SOX5: variants seen among roughly 807,000 people sequenced by gnomAD.
SOX5 encodes transcription factor SOX-5.
In SOX5, 9 loss-of-function variants were observed where a neutral mutation model predicts 92.0. The observed-to-expected ratio is 0.10, with a 90% CI of 0.06 to 0.17. The LOEUF is 0.17. Among genes scored for constraint, SOX5 ranks in the 10% least tolerant of loss-of-function variants. The probability of loss-of-function intolerance (pLI) is 1.00; values close to 1 mark genes in which losing one functional copy is unlikely to be tolerated. For synonymous variants in SOX5, 344 were observed against 336.3 expected (o/e 1.02, Z -0.25); for missense variants, 642 against 944.5 (o/e 0.68, Z 4.20).
chr12:23,714,256 A>T, intron 6 of SOX5, among the ~76,000 whole-genome samples: 1 of 152,346 alleles, frequency 6.6e-6, no homozygotes, highest in Middle Eastern at 3.4e-3. Context: ...AATGTAAATG[A>T]TATAAAGGCA....
intron 4 of SOX5, among the ~76,000 whole-genome samples, chr12:24,097,966 AATCT>A (rs1945626519): frequency 6.8e-6 from 1 of 146,760 alleles, no homozygotes; most frequent in African/African-American, 2.5e-5. Flanking sequence ...AAGTTCTGAG[AATCT>A]ACACTATTCT....
chr12:24,103,840 G>A (rs1946371249), intron 4 of SOX5, among the ~76,000 whole-genome samples: 1 of 152,148 alleles, frequency 6.6e-6, no homozygotes, highest in Non-Finnish European at 1.5e-5. Flanking sequence ...CGTGAGTTTA[G>A]TGTAGCTCAT....
chr12:23,776,122 G>A (rs2095091280), intron 3 of SOX5, among the ~76,000 whole-genome samples: 1 of 152,172 alleles, frequency 6.6e-6, no homozygotes, highest in South Asian at 2.1e-4. Context: ...TTTATAAGTT[G>A]AAAATTCAAG....
At chr12:23,707,272 G>A (rs2091503784) in intron 6 of SOX5, among the ~76,000 whole-genome samples, 1 of 152,120 alleles carries the variant, frequency 6.6e-6, no homozygotes, top group South Asian at 2.1e-4. Flanking sequence ...GGTTCTTTAG[G>A]TCATCCAATC....
intron 4 of SOX5, among the ~76,000 whole-genome samples, chr12:24,093,423 T>G (rs1338826947): frequency 1.3e-5 from 2 of 151,074 alleles, no homozygotes; most frequent in African/African-American, 4.9e-5. Context: ...CTCGGGAAGC[T>G]GAGGCAGGAG....
intron 2 of SOX5, among the ~76,000 whole-genome samples, chr12:23,875,538 G>C (rs994346461): frequency 6.6e-6 from 1 of 151,994 alleles, no homozygotes; most frequent in Non-Finnish European, 1.5e-5. Flanking sequence ...GAAAGGAGGG[G>C]AAGAAAGAGG....
chr12:23,999,103 G>A (rs1951331859), intron 4 of SOX5, among the ~76,000 whole-genome samples: 1 of 150,616 alleles, frequency 6.6e-6, no homozygotes, highest in Admixed American at 6.7e-5. Flanking sequence ...CAGCAGGATA[G>A]GACAATGGAC....
intron 7 of SOX5, among the ~76,000 whole-genome samples, chr12:23,654,337 G>C (rs2082050443): frequency 6.6e-6 from 1 of 151,696 alleles, no homozygotes; most frequent in Non-Finnish European, 1.5e-5. Flanking sequence ...TATCCTCTTA[G>C]GTATGAAAAT....
intron 4 of SOX5, among the ~76,000 whole-genome samples, chr12:24,028,062 T>C (rs1445921811): frequency 6.6e-6 from 1 of 151,984 alleles, no homozygotes; most frequent in East Asian, 1.9e-4. Context: ...GAAAATAGTA[T>C]TCTATGACTT....
chr12:23,781,376 T>C (rs1248376129), intron 3 of SOX5, among the ~76,000 whole-genome samples: 3 of 152,050 alleles, frequency 2.0e-5, no homozygotes, highest in African/African-American at 7.2e-5. Context: ...CTGTTACTAA[T>C]AGATAACTGA....
At position 23,533,219 on chromosome 12, in the gene SOX5, A is replaced by T. The variant is rs775471830; in HGVS notation, c.*1000T>A. The T allele has an allele frequency of 8.8e-6, 4 of 455,898 alleles. No homozygotes were observed. Among genetic ancestry groups the T allele is most frequent in the Non-Finnish European group, 1.8e-5 (4 of 226,496 alleles). The allele number at this position is 455,898 out of a possible 1,614,324, so 28.2% of individuals were successfully genotyped here. The stretch of plus-strand genomic sequence containing the variant: ...GTTTAACTCACAATGGTCCAACGTT[A>T]TTCCTATTATTAGTACCATAATCAC... On this transcript the variant is annotated 3_prime_UTR_variant, in exon 15 of 15. Coordinates refer to ENST00000451604, the MANE Select transcript of SOX5 (RefSeq NM_006940.6).
Position 23,649,134 on chromosome 12 carries a change from C to T in SOX5, c.932-8237G>A, listed in dbSNP as rs576791955. Reference sequence around the variant, plus strand: ...AAAATACCTGTGAAAATTTCCAATGCAGCCATTTAACTCTCAATTTAAAAA... The same window carrying T: ...AAAATACCTGTGAAAATTTCCAATGTAGCCATTTAACTCTCAATTTAAAAA... On this transcript the variant is annotated intron_variant, in intron 7 of 14. Coordinates refer to ENST00000451604, the MANE Select transcript of SOX5 (RefSeq NM_006940.6). Among the ~76,000 whole-genome samples the T allele has an allele frequency of 2.8e-4, 43 of 152,096 alleles. 1 individual carries two copies. The highest frequency in any genetic ancestry group is 9.2e-4 in the African/African-American group (38 of 41,514).
At chr12:23,813,518 C>G (rs2095918992) in intron 3 of SOX5, among the ~76,000 whole-genome samples, 1 of 151,986 alleles carries the variant, frequency 6.6e-6, no homozygotes, top group African/African-American at 2.4e-5. Flanking sequence ...TCGGAAAAAG[C>G]AAAAAGTAAA....
At chr12:24,304,191 A>G (rs1054351800) in intron 2 of SOX5, among the ~76,000 whole-genome samples, 2 of 152,232 alleles carry the variant, frequency 1.3e-5, no homozygotes, top group Admixed American at 6.5e-5. Context: ...TTTAGAGTAA[A>G]GAGAATTCCA....
intron 4 of SOX5, among the ~76,000 whole-genome samples, chr12:24,044,232 A>G (rs961774263): frequency 6.6e-5 from 10 of 152,198 alleles, no homozygotes; most frequent in African/African-American, 2.2e-4. Context: ...TGTGTATGAC[A>G]ACACAAAGAT....
intron 6 of SOX5, among the ~76,000 whole-genome samples, chr12:23,705,411 T>C (rs1034671227): frequency 6.6e-6 from 1 of 152,032 alleles, no homozygotes; most frequent in Admixed American, 6.6e-5. Flanking sequence ...CACAAACCTC[T>C]GAGCTGGTTT....
intron 4 of SOX5, among the ~76,000 whole-genome samples, chr12:24,065,655 AAAAAAAAAAAAG>A (rs1347291103): frequency 2.2e-4 from 26 of 116,034 alleles, no homozygotes; most frequent in Non-Finnish European, 4.3e-4. Context: ...CAAAAAAAAA[AAAAAAAAAAAAG>A]AAAAGAAAAA....
At chr12:24,516,531 A>T (rs1416086521) in intron 1 of SOX5, among the ~76,000 whole-genome samples, 1 of 152,208 alleles carries the variant, frequency 6.6e-6, no homozygotes, top group African/African-American at 2.4e-5. Flanking sequence ...AGCTCTCCTG[A>T]AGTTCCTGCC....
At chr12:24,029,904 T>C (rs1269480108) in intron 4 of SOX5, among the ~76,000 whole-genome samples, 2 of 152,052 alleles carry the variant, frequency 1.3e-5, no homozygotes, top group African/African-American at 2.4e-5. Context: ...ATGTTAATAT[T>C]GTAAACTAAC....
Sources: gnomAD v4.1 joint callset for allele counts (sites outside exome capture counted in the v4.1 genomes callset) on GRCh38, gnomAD v4.1.1 for gene constraint, MANE v1.5 for transcripts, NCBI Gene and HGNC (gene_info 2026-07-23, HGNC 2026-07-21) for gene names.